CCDC136: variants seen among roughly 807,000 people sequenced by gnomAD.
The protein encoded by CCDC136 is coiled-coil domain containing 136, also known as coiled-coil domain-containing protein 136.
In CCDC136, 100 loss-of-function variants were observed where a neutral mutation model predicts 141.2. That is an observed-to-expected ratio of 0.71 (90% CI 0.60 to 0.84). The LOEUF (loss-of-function observed/expected upper bound fraction) is 0.84, where lower values mean the gene tolerates loss of function less well. Ranked by LOEUF, CCDC136 falls within the 40% of genes least tolerant of loss-of-function variation. The pLI is 0.00. For synonymous variants in CCDC136, 474 were observed against 531.9 expected (o/e 0.89, Z 1.50); for missense variants, 1,206 against 1,379.4 (o/e 0.87, Z 1.99).
rs531084611 is a variant in CCDC136, at chr7:128,796,567, T to C, written c.346+1799T>C. ...AGGAATGGGATGATACGATCTGCTT[T>C]ACATTTTTAAAAGAGAACTTGGCCA... is the stretch of plus-strand genomic sequence containing the variant. On this transcript the variant is annotated intron_variant, in intron 3 of 17. Transcript: ENST00000297788. Among the ~76,000 whole-genome samples, 8 of 151,816 alleles carry C rather than the reference T, an allele frequency of 5.3e-5. No individual in the cohort carries two copies. The South Asian group carries it at 1.7e-3, about 32-fold the overall frequency.
intron 8 of CCDC136, 21 bp downstream of exon 8, chr7:128,806,416 G>A (rs767064578): frequency 1.3e-6 from 2 of 1,587,358 alleles, no homozygotes; most frequent in Admixed American, 1.7e-5. Context: ...CCAGAGGTGA[G>A]GGGACAACTT....
intron 14 of CCDC136, among the ~76,000 whole-genome samples, chr7:128,813,990 A>C (rs1242306450): frequency 1.3e-5 from 2 of 152,172 alleles, no homozygotes; most frequent in African/African-American, 2.4e-5. Flanking sequence ...TCTCAAAAAA[A>C]AGAATTATAT....
chr7:128,812,434 A>G lies in CCDC136; in HGVS notation c.2541+122A>G, dbSNP rs1585112270. On this transcript the variant is annotated intron_variant, in intron 13 of 17. Coordinates refer to ENST00000297788, the MANE Select transcript of CCDC136 (RefSeq NM_022742.5). Reference sequence around the variant, plus strand: ...GGGGTCAGAACTGACCTGGGGAACTATTGGAAGTAAGCGAAGCCCTCTACC... The same window carrying G: ...GGGGTCAGAACTGACCTGGGGAACTGTTGGAAGTAAGCGAAGCCCTCTACC... 28 of 1,123,384 alleles carry G rather than the reference A, an allele frequency of 2.5e-5. No homozygotes were observed. In the South Asian group the frequency reaches 4.5e-4, roughly 18 times the overall value. 69.6% of individuals were successfully genotyped at this position (1,123,384 alleles called of 1,614,324 possible).
rs1802692474 is a variant in CCDC136 at position 128,794,733 on chromosome 7, C to A, written c.311C>A (p.Ala104Glu). The A allele has an allele frequency of 1.3e-6, 2 of 1,551,560 alleles. No individual in the cohort carries two copies. The highest frequency in any genetic ancestry group is 1.7e-6 in the Non-Finnish European group (2 of 1,146,984). The part of the protein sequence containing the change: ...EDERLASAQQ[A>E]EVFTKQIQQL... ...GAACGGCTAGCCAGCGCCCAGCAGG[C>A]AGAGGTGTTCACCAAGCAGATCCAG... The change falls in exon 3 of 18, where the codon GCA becomes GAA. Residue 104 changes from alanine to glutamate, a missense_variant. Physicochemically the swap from Ala to Glu is moderately radical, Grantham distance 107 (BLOSUM62 -1). Transcript: ENST00000297788. The surrounding 1 kb of genome is among the most constrained non-coding windows in gnomAD (Gnocchi z 4.3).
chr7:128,793,224 G>A (rs1035139906), intron 1 of CCDC136, among the ~76,000 whole-genome samples: 2 of 152,182 alleles, frequency 1.3e-5, no homozygotes, highest in East Asian at 1.9e-4. Context: ...GTAAAGGAGC[G>A]GGTGCTCACA....
chr7:128,809,799 T>G (rs1805440660), intron 11 of CCDC136, among the ~76,000 whole-genome samples, 155 bp downstream of exon 11: 1 of 152,232 alleles, frequency 6.6e-6, no homozygotes, highest in South Asian at 2.1e-4. Context: ...AAAAGCTCCA[T>G]AGAGCCAATT....
intron 15 of CCDC136, 90 bp from the exon 16 acceptor site, chr7:128,815,524 C>T: frequency 7.2e-7 from 1 of 1,386,660 alleles, no homozygotes; most frequent in Non-Finnish European, 9.7e-7. Context: ...TGCTGGAAGT[C>T]ATGTTTCCTG....
Position 128,812,861 on chromosome 7 carries a change from G to A in CCDC136, c.2695G>A (p.Glu899Lys), listed in dbSNP as rs1378225313. 6.2e-7 allele frequency: 1 copy of A among 1,613,152 alleles called. No individual in the cohort carries two copies. The highest frequency in any genetic ancestry group is 8.5e-7 in the Non-Finnish European group (1 of 1,179,690). ...KDLKEELDAC[E>K]REFKECMECL... is the part of the protein sequence containing the mutation. ...CCTGAAGGAAGAGCTGGATGCCTGT[G>A]AAAGGGAGTTCAAGGAGTGCATGGA... Residue 899 changes from glutamate (E) to lysine (K), a missense_variant, in exon 14 of 18, where the codon GAA (glutamate) becomes AAA (lysine). Glu to Lys is a moderately conservative substitution (Grantham distance 56). Transcript: ENST00000297788.
chr7:128,801,281 G>A lies in CCDC136; in HGVS notation c.442G>A (p.Ala148Thr), dbSNP rs768684784. The A allele has an allele frequency of 6.2e-6, 10 of 1,613,770 alleles. No homozygotes were observed. Among genetic ancestry groups the A allele is most frequent in the Non-Finnish European group, 8.5e-6 (10 of 1,179,864 alleles). ...AGAACAGGAATTGCATTTGGCCCAG[G>A]CTGAGATCCAGAGTCTGCGGCAAGC... ...EIEQELHLAQ[A>T]EIQSLRQAAE... The change falls in exon 4 of 18, where the codon GCT (alanine) becomes ACT (threonine). Residue 148 changes from alanine (A) to threonine (T), a missense_variant. Ala to Thr is a moderately conservative substitution (Grantham distance 58). Transcript: ENST00000297788.
chr7:128,795,155 G>A (rs1000369486), intron 3 of CCDC136, among the ~76,000 whole-genome samples: 1 of 152,110 alleles, frequency 6.6e-6, no homozygotes, highest in African/African-American at 2.4e-5. Flanking sequence ...TCCTTTTTCT[G>A]GTTCCTCCAA....
At position 128,805,985 on chromosome 7, in the gene CCDC136, G is replaced by T. The variant is rs1804781767; in HGVS notation, c.1089+84G>T. On this transcript the variant is annotated intron_variant, in intron 7 of 17. Coordinates refer to ENST00000297788, the MANE Select transcript of CCDC136 (RefSeq NM_022742.5). The surrounding 1 kb of genome is among the most constrained non-coding windows in gnomAD (Gnocchi z 4.6). ...GCTTCAACCGGGGTGGGCACAGTGA[G>T]TATGGCTGTGCTCTGCTGACTCTTG... 1 of 1,484,334 alleles carries T rather than the reference G, an allele frequency of 6.7e-7. No homozygotes were observed. Among genetic ancestry groups the T allele is most frequent in the African/African-American group, 1.4e-5 (1 of 72,594 alleles). 91.9% of individuals were successfully genotyped at this position (1,484,334 alleles called of 1,614,324 possible). A position where few individuals can be genotyped will look rare whatever the true frequency, so the allele number is the denominator to read the frequency against.
chr7:128,806,605 G>C, intron 8 of CCDC136, 83 bp from the exon 9 acceptor site: 1 of 1,333,820 alleles, frequency 7.5e-7, no homozygotes. Context: ...ATCTTAGACT[G>C]TTGGTGTCTT....
At chr7:128,808,186 G>A (rs941520728) in intron 10 of CCDC136, among the ~76,000 whole-genome samples, 12 of 152,180 alleles carry the variant, frequency 7.9e-5, no homozygotes, top group African/African-American at 2.7e-4. Context: ...ACAGGCACAT[G>A]CCATTGTGCC....
Position 128,815,522 on chromosome 7 carries a change from G to C in CCDC136, c.3046-92G>C, listed in dbSNP as rs556055996. The C allele has an allele frequency of 8.8e-6, 12 of 1,371,086 alleles. No homozygotes were observed. The East Asian group carries it at 3.0e-4, about 34-fold the overall frequency. The allele number at this position is 1,371,086 out of a possible 1,614,324, so 84.9% of individuals were successfully genotyped here. The stretch of plus-strand genomic sequence containing the variant: ...ACCCTTGCACTCTGACATGCTGGAA[G>C]TCATGTTTCCTGGAGCTAGTACAGC... On this transcript the variant is annotated intron_variant, in intron 15 of 17. Transcript: ENST00000297788.
At chr7:128,806,905 G>T (rs773747407) in intron 9 of CCDC136, 47 bp downstream of exon 9, 4 of 1,544,662 alleles carry the variant, frequency 2.6e-6, no homozygotes, top group African/African-American at 2.7e-5. Flanking sequence ...GCATCATCTT[G>T]TGTGAGGGTG....
chr7:128,798,669 A>G (rs562908004), intron 3 of CCDC136, among the ~76,000 whole-genome samples: 1 of 152,136 alleles, frequency 6.6e-6, no homozygotes, highest in Non-Finnish European at 1.5e-5. Context: ...CCCAGACTCT[A>G]GGGCCTTTGT....
At position 128,805,314 on chromosome 7, in the gene CCDC136, A is replaced by G. The variant is rs1191782106; in HGVS notation, c.783-45A>G. The G allele has an allele frequency of 2.5e-6, 4 of 1,587,280 alleles. No homozygotes were observed. The highest frequency in any genetic ancestry group is 3.4e-6 in the Non-Finnish European group (4 of 1,159,610). On this transcript the variant is annotated intron_variant, in intron 5 of 17. Coordinates refer to ENST00000297788, the MANE Select transcript of CCDC136 (RefSeq NM_022742.5). The surrounding 1 kb of genome is among the most constrained non-coding windows in gnomAD (Gnocchi z 4.6). ...CAAAGCCTGCATGGCTGGTGATGCCAGGCAGAACTCCCTTCAAGCATAGCT... is the reference window on the plus strand; with the variant it reads ...CAAAGCCTGCATGGCTGGTGATGCCGGGCAGAACTCCCTTCAAGCATAGCT...
chr7:128,820,572 T>A (rs1245503487), intron 17 of CCDC136, among the ~76,000 whole-genome samples: 1 of 152,188 alleles, frequency 6.6e-6, no homozygotes, highest in Non-Finnish European at 1.5e-5. Flanking sequence ...CATATAAATA[T>A]TTTTTTCTAG....
At position 128,814,688 on chromosome 7, in the gene CCDC136, TAGCATGGATG is replaced by T; in HGVS notation, c.2819_2828del (p.Met940ArgfsTer6). The T allele has an allele frequency of 3.1e-6, 5 of 1,612,548 alleles. No individual in the cohort carries two copies. The highest frequency in any genetic ancestry group is 4.2e-6 in the Non-Finnish European group (5 of 1,179,206). ...GGGAGCTGCAGCTGCAATACCAGGC[TAGCATGGATG>T]AGCAGGGGCGGCTTCTGGTAGTGCA... On this transcript the variant is annotated frameshift_variant, in exon 15 of 18. Coordinates refer to ENST00000297788, the MANE Select transcript of CCDC136 (RefSeq NM_022742.5). LOFTEE classifies it high-confidence loss of function.
Sources: allele counts gnomAD v4.1 joint callset (sites outside exome capture counted in the v4.1 genomes callset), GRCh38; gene constraint gnomAD v4.1.1; non-coding constraint Gnocchi (gnomAD v3.1); transcripts MANE v1.5; gene names NCBI Gene and HGNC (gene_info 2026-07-23, HGNC 2026-07-21).